Variants in SPG7 observed in about 807,000 individuals in gnomAD.
SPG7 encodes the protein SPG7 matrix AAA peptidase subunit, paraplegin.
Under a neutral mutation model 81.9 loss-of-function variants are expected in SPG7, and 103 were observed. The observed-to-expected ratio is 1.26, with a 90% confidence interval of 1.07 to 1.48. SPG7 has a LOEUF of 1.48. Ranked by LOEUF, SPG7 falls within the 40% of genes most tolerant of loss-of-function variation. The pLI, the probability that SPG7 is intolerant of heterozygous loss-of-function variation, is 0.00. For missense variants in SPG7, 1,241 were observed against 1,087.3 expected (o/e 1.14, Z -1.99); for synonymous variants, 534 against 444.2 (o/e 1.20, Z -2.54).
At chr16:89,546,957 T>C in intron 11 of SPG7, 197 bp downstream of exon 11, 1 of 590,244 alleles carries the variant, frequency 1.7e-6, no homozygotes, top group Non-Finnish European at 3.1e-6. Flanking sequence ...CACTCCGTCC[T>C]CCGCCCCGGG....
intron 7 of SPG7, 54 bp from the exon 8 acceptor site, chr16:89,531,850 A>G: frequency 1.2e-6 from 2 of 1,605,610 alleles, no homozygotes; most frequent in Non-Finnish European, 1.7e-6. Context: ...CCTCTAAAAA[A>G]CAAAAAAACG....
chr16:89,543,124 T>A (rs918412042), intron 9 of SPG7: 3 of 151,472 alleles, frequency 2.0e-5, no homozygotes, highest in Non-Finnish European at 2.9e-5. Context: ...ATTTTCTGTA[T>A]TTTTAGTAGA....
chr16:89,531,615 G>A (rs1188896862), intron 7 of SPG7: 8 of 435,152 alleles, frequency 1.8e-5, no homozygotes, highest in East Asian at 4.9e-5. Context: ...CTCAAGCTAC[G>A]CGCCTGCCTC....
chr16:89,527,797 G>C (rs1278847671), intron 5 of SPG7, among the ~76,000 whole-genome samples: 2 of 152,114 alleles, frequency 1.3e-5, no homozygotes, highest in East Asian at 3.9e-4. Flanking sequence ...GTACTCCCTT[G>C]ATCAAAATGT....
At chr16:89,545,037 G>A (rs2058546199) in intron 10 of SPG7, 2 of 527,456 alleles carry the variant, frequency 3.8e-6, no homozygotes, top group Admixed American at 3.0e-5. Flanking sequence ...TCGGGGTTTT[G>A]CAGTTCTGTT....
chr16:89,553,052 C>A lies in SPG7; in HGVS notation c.1853C>A (p.Thr618Asn). The stretch of plus-strand genomic sequence containing the variant: ...CTCCCCAGAGACCAGCACCTCTTCA[C>A]CAAGGAGCAGCTGTTTGAGCGGATG... ...QMLPRDQHLF[T>N]KEQLFERMCM... Residue 618 changes from threonine to asparagine, a missense_variant, in exon 14 of 17, where the codon ACC becomes AAC. Coordinates refer to ENST00000645818, the MANE Select transcript of SPG7 (RefSeq NM_003119.4). 2.5e-6 allele frequency: 4 copies of A among 1,614,064 alleles called. No individual in the cohort carries two copies. The highest frequency in any genetic ancestry group is 1.7e-6 in the Non-Finnish European group (2 of 1,180,002).
intron 1 of SPG7, among the ~76,000 whole-genome samples, chr16:89,509,545 C>T (rs528534516): frequency 6.6e-5 from 10 of 152,038 alleles, no homozygotes; most frequent in African/African-American, 1.9e-4. Context: ...CCACCGCGCC[C>T]GGCCATAAAA....
At chr16:89,533,472 T>G (rs1428982318) in intron 9 of SPG7, 1 of 152,160 alleles carries the variant, frequency 6.6e-6, no homozygotes, top group Non-Finnish European at 1.5e-5. Context: ...CAGGCTTTTT[T>G]TTTCATTATT....
intron 2 of SPG7, among the ~76,000 whole-genome samples, chr16:89,511,948 G>C (rs946565250): frequency 6.6e-6 from 1 of 152,018 alleles, no homozygotes; most frequent in African/African-American, 2.4e-5. Context: ...GTCTTGCTCT[G>C]TCTCCCAGGC....
chr16:89,517,614 G>T (rs8051247), intron 3 of SPG7: 66,507 of 147,002 alleles, frequency 0.45, 15,359 homozygotes, highest in East Asian at 0.68. Context: ...AATTGTCGTC[G>T]TCTTTTTTTT....
At chr16:89,539,159 C>CT (rs1402039685) in intron 9 of SPG7, 1 of 152,258 alleles carries the variant, frequency 6.6e-6, no homozygotes, top group Non-Finnish European at 1.5e-5. Flanking sequence ...CTTTCACCCT[C>CT]TAACGGGGAA....
chr16:89,546,583 C>CA (rs2058567029), intron 10 of SPG7, 75 bp from the exon 11 acceptor site: 8 of 962,642 alleles, frequency 8.3e-6, no homozygotes, highest in Middle Eastern at 2.1e-4. Flanking sequence ...CCCCCCCCCC[C>CA]ACAGACAAAC....
intron 4 of SPG7, 112 bp from the exon 5 acceptor site, chr16:89,526,217 C>A: frequency 7.9e-7 from 1 of 1,267,110 alleles, no homozygotes; most frequent in Non-Finnish European, 1.2e-6. Context: ...GTGTCCTCTT[C>A]ACAATGCTGA....
chr16:89,523,726 G>C lies in SPG7; in HGVS notation c.377-280G>C, dbSNP rs777164904. ...CACAGGCGTGCACCGTTGTGCCCAG[G>C]TCTAAGTGTTTCGATTTAGAAATGG... On this transcript the variant is annotated intron_variant, in intron 3 of 16. Coordinates refer to ENST00000645818, the MANE Select transcript of SPG7 (RefSeq NM_003119.4). The C allele has an allele frequency of 3.2e-5, 18 of 557,120 alleles. 1 individual carries two copies. The highest frequency in any genetic ancestry group is 2.8e-4 in the South Asian group (18 of 65,300). The allele number at this position is 557,120 out of a possible 1,614,324, so 34.5% of individuals were successfully genotyped here.
At chr16:89,529,092 G>T in intron 5 of SPG7, 1 of 337,930 alleles carries the variant, frequency 3.0e-6, no homozygotes. Flanking sequence ...GATTACAGGC[G>T]TGAGCCACCG....
chr16:89,516,795 G>T (rs2058102708), intron 3 of SPG7: 1 of 151,836 alleles, frequency 6.6e-6, no homozygotes, highest in South Asian at 2.1e-4. Flanking sequence ...AACCCAAGAG[G>T]CGAAGCTTGC....
chr16:89,553,160 G>A (rs957643858), intron 14 of SPG7, 25 bp downstream of exon 14: 1 of 1,575,444 alleles, frequency 6.3e-7, no homozygotes, highest in Non-Finnish European at 8.6e-7. Context: ...CGCGGGCCCT[G>A]GAGGTTTCAG....
At chr16:89,513,723 T>G (rs1180090827) in intron 3 of SPG7, among the ~76,000 whole-genome samples, 1 of 140,548 alleles carries the variant, frequency 7.1e-6, no homozygotes, top group Non-Finnish European at 1.5e-5. Flanking sequence ...AATGCTTTGC[T>G]TTTGGATCCT....
intron 14 of SPG7, chr16:89,553,495 G>T (rs1310027740): frequency 1.9e-6 from 1 of 534,240 alleles, no homozygotes; most frequent in Non-Finnish European, 3.4e-6. Context: ...TGGGCTCCAG[G>T]TCCATGGGTT....
Sources: allele counts gnomAD v4.1 joint callset (sites outside exome capture counted in the v4.1 genomes callset), GRCh38; gene constraint gnomAD v4.1.1; transcripts MANE v1.5; gene names NCBI Gene and HGNC (gene_info 2026-07-23, HGNC 2026-07-21).